CFAP47: variants seen among roughly 807,000 people sequenced by gnomAD.
CFAP47 encodes the protein cilia- and flagella-associated protein 47.
CFAP47 carries 29 observed loss-of-function variants against 148.1 expected under a neutral mutation model. The ratio of observed to expected loss-of-function variants is 0.20; its 90% CI spans 0.15 to 0.27. CFAP47 has a LOEUF of 0.27. Ranked by LOEUF, CFAP47 falls within the 10% of genes least tolerant of loss-of-function variation. The pLI, the probability that CFAP47 is intolerant of heterozygous loss-of-function variation, is 1.00. For missense variants in CFAP47, 1,872 were observed against 1,697.5 expected (o/e 1.10, Z -1.81); for synonymous variants, 664 against 577.3 (o/e 1.15, Z -2.15).
chrX:35,950,932 C>G (rs2146641887), intron 4 of CFAP47, among the ~76,000 whole-genome samples, 199 bp from the exon 5 acceptor site: 1 of 111,438 alleles, frequency 9.0e-6, no homozygotes, highest in East Asian at 2.8e-4. Flanking sequence ...ATATGCCATT[C>G]CATTTTGTAG....
chrX:36,144,725 T>G, intron 35 of CFAP47: 1 of 1,023,544 alleles, frequency 9.8e-7, no homozygotes, highest in Non-Finnish European at 1.3e-6. Flanking sequence ...TTTTTGTTTG[T>G]TTGTTCTTTT....
Position 36,353,537 on chromosome X carries a change from C to A in CFAP47, c.8707C>A (p.Gln2903Lys). 1 of 1,162,252 alleles carries A rather than the reference C, an allele frequency of 8.6e-7. No individual in the cohort carries two copies. Among genetic ancestry groups the A allele is most frequent in the Non-Finnish European group, 1.1e-6 (1 of 869,616 alleles). ...PPPKSPPVVI[Q>K]CQSRKRAEEK... ...ATATTTCTCTCCTGCAGTTGTCATA[C>A]AATGTCAGTCCAGGAAGCGGGCAGA... The change falls in exon 60 of 64, where the codon CAA becomes AAA. Residue 2903 changes from glutamine (Q) to lysine (K), a missense_variant. By Grantham distance (53) the Gln-to-Lys change is moderately conservative (BLOSUM62 1). Transcript: ENST00000378653.
chrX:36,126,739 C>T (rs1049219627), intron 33 of CFAP47, among the ~76,000 whole-genome samples: 1 of 111,900 alleles, frequency 8.9e-6, no homozygotes, highest in African/African-American at 3.3e-5. Context: ...CTTATTTCTC[C>T]ACATCCTCTC....
intron 35 of CFAP47, among the ~76,000 whole-genome samples, chrX:36,144,184 GA>G (rs1939191750): frequency 8.9e-6 from 1 of 111,746 alleles, no homozygotes; most frequent in Admixed American, 9.5e-5. Flanking sequence ...GCCTTTGCTT[GA>G]AAATCTCTTG....
chrX:36,187,038 G>A (rs782818765), intron 40 of CFAP47, among the ~76,000 whole-genome samples: 3 of 111,436 alleles, frequency 2.7e-5, no homozygotes, highest in Non-Finnish European at 5.7e-5. Flanking sequence ...TTGGGACCCC[G>A]AAGTTTTGTA....
intron 59 of CFAP47, among the ~76,000 whole-genome samples, chrX:36,352,012 A>G (rs1375849548): frequency 1.8e-5 from 2 of 111,124 alleles, no homozygotes; most frequent in Non-Finnish European, 1.9e-5. Context: ...CAAACCCAGG[A>G]TACTTTTTTG....
rs565812365 is a variant in CFAP47, at chrX:35,953,479, C to G, written c.1047-113C>G. ...ATGGATTACAGTTGTATTTTCATTC[C>G]TTAACATTCATTTGCTTGCATAGAT... On this transcript the variant is annotated intron_variant, in intron 6 of 63. Coordinates refer to ENST00000378653, the MANE Select transcript of CFAP47 (RefSeq NM_001304548.2). The G allele has an allele frequency of 2.0e-4, 112 of 557,422 alleles. 3 individuals are homozygous for G. The South Asian group carries it at 4.9e-3, about 24-fold the overall frequency. 45.9% of individuals were successfully genotyped at this position (557,422 alleles called of 1,213,427 possible).
At position 36,306,789 on chromosome X, in the gene CFAP47, C is replaced by T. The variant is rs1941353525; in HGVS notation, c.8100C>T (p.His2700=). Residue 2700 remains histidine (H), a synonymous_variant, in exon 55 of 64, where the codon CAC becomes CAT. Transcript: ENST00000378653. ...TTACACAGCTGATCATATCTCCTCA[C>T]TCCACCACAGAATTACCTGTTCTCT... ...NRKSQLIISP[H]STTELPVLFY... The T allele has an allele frequency of 3.5e-6, 4 of 1,155,122 alleles. No homozygotes were observed. The highest frequency in any genetic ancestry group is 4.6e-6 in the Non-Finnish European group (4 of 864,882).
At chrX:35,950,078 A>G (rs995567655) in intron 4 of CFAP47, among the ~76,000 whole-genome samples, 1 of 111,881 alleles carries the variant, frequency 8.9e-6, no homozygotes, top group African/African-American at 3.3e-5. Flanking sequence ...TAGAAGAGTG[A>G]GAAGGTGGGG....
intron 26 of CFAP47, among the ~76,000 whole-genome samples, chrX:36,051,564 A>T (rs1051795282): frequency 9.0e-6 from 1 of 111,628 alleles, no homozygotes; most frequent in African/African-American, 3.3e-5. Flanking sequence ...GTATTTACCC[A>T]ATACCTGTCC....
chrX:36,060,186 G>A (rs182608075), intron 26 of CFAP47, among the ~76,000 whole-genome samples: 78 of 111,590 alleles, frequency 7.0e-4, no homozygotes, highest in African/African-American at 2.2e-3. Context: ...CAATGTCCAT[G>A]TATTTCTGTG....
At chrX:36,231,671 G>A (rs1447427971) in intron 46 of CFAP47, among the ~76,000 whole-genome samples, 1 of 111,053 alleles carries the variant, frequency 9.0e-6, no homozygotes, top group Non-Finnish European at 1.9e-5. Context: ...TGGTGAGAGA[G>A]GGCATCCCTG....
At position 36,354,152 on chromosome X, in the gene CFAP47, C is replaced by A. The variant is rs1040854355; in HGVS notation, c.8851+471C>A. Among the ~76,000 whole-genome samples the A allele has an allele frequency of 2.7e-5, 3 of 111,279 alleles. No individual in the cohort carries two copies. The South Asian group carries it at 1.1e-3, about 42-fold the overall frequency. ...TTTGTATAATAATAATAATGCTTCA[C>A]GTATTTAATGTATATTCCAGATTTG... On this transcript the variant is annotated intron_variant, in intron 60 of 63. Transcript: ENST00000378653.
chrX:35,940,687 G>A (rs1192325954), intron 2 of CFAP47, among the ~76,000 whole-genome samples: 2 of 111,267 alleles, frequency 1.8e-5, no homozygotes, highest in Admixed American at 1.9e-4. Context: ...TGTGCGAAGT[G>A]TGGAGATTCC....
intron 26 of CFAP47, among the ~76,000 whole-genome samples, chrX:36,062,247 A>T (rs1033579489): frequency 3.6e-5 from 4 of 111,670 alleles, no homozygotes; most frequent in Non-Finnish European, 7.5e-5. Context: ...ATTTTTTATG[A>T]TGTTGACATG....
chrX:36,272,074 A>AC (rs1467127465), intron 49 of CFAP47, among the ~76,000 whole-genome samples: 2 of 111,999 alleles, frequency 1.8e-5, no homozygotes, highest in Non-Finnish European at 3.8e-5. Flanking sequence ...CTGAAAAGTT[A>AC]AAGTTGAGCA....
At chrX:36,358,203 T>TATC (rs1202770193) in intron 60 of CFAP47, among the ~76,000 whole-genome samples, 1 of 112,198 alleles carries the variant, frequency 8.9e-6, no homozygotes, top group Non-Finnish European at 1.9e-5. Context: ...CTGCCAACCT[T>TATC]ATCCAGTGTG....
chrX:36,178,218 A>G (rs1256828754), intron 39 of CFAP47, among the ~76,000 whole-genome samples: 1 of 110,857 alleles, frequency 9.0e-6, no homozygotes, highest in Non-Finnish European at 1.9e-5. Flanking sequence ...CTGCAATACT[A>G]CCTATTGGGT....
At chrX:36,306,737 T>A in intron 54 of CFAP47, 35 bp from the exon 55 acceptor site, 1 of 943,947 alleles carries the variant, frequency 1.1e-6, no homozygotes, top group Non-Finnish European at 1.5e-6. Flanking sequence ...TGGGTATTAA[T>A]TTTTGTTCCC....
Sources: gnomAD v4.1 joint callset for allele counts (sites outside exome capture counted in the v4.1 genomes callset) on GRCh38, gnomAD v4.1.1 for gene constraint, MANE v1.5 for transcripts, NCBI Gene and HGNC (gene_info 2026-07-23, HGNC 2026-07-21) for gene names.